The following GTF2E2 variants were observed in gnomAD, a reference collection of about 807,000 sequenced individuals.
GTF2E2 encodes the protein transcription initiation factor IIE subunit beta.
GTF2E2 carries 21 observed loss-of-function variants against 40.5 expected under a neutral mutation model. That is an observed-to-expected ratio of 0.52 (90% CI 0.37 to 0.75). The LOEUF is 0.75. Ranked by LOEUF, GTF2E2 falls within the 30% of genes least tolerant of loss-of-function variation. The pLI, the probability that GTF2E2 is intolerant of heterozygous loss-of-function variation, is 0.00. For missense variants in GTF2E2, 298 were observed against 338.4 expected (o/e 0.88, Z 0.94); for synonymous variants, 117 against 121.6 (o/e 0.96, Z 0.25).
intron 6 of GTF2E2, among the ~76,000 whole-genome samples, chr8:30,589,015 A>G (rs1466115248): frequency 6.6e-6 from 1 of 152,130 alleles, no homozygotes; most frequent in Non-Finnish European, 1.5e-5. Flanking sequence ...GCACTTTTGG[A>G]GGCTGAGGGA....
intron 5 of GTF2E2, among the ~76,000 whole-genome samples, chr8:30,610,077 C>A (rs1327114048): frequency 6.6e-6 from 1 of 152,162 alleles, no homozygotes; most frequent in African/African-American, 2.4e-5. Context: ...TAGACTAATA[C>A]ATAGCCAAAA....
At chr8:30,604,343 A>G (rs928602524) in intron 6 of GTF2E2, among the ~76,000 whole-genome samples, 1 of 152,192 alleles carries the variant, frequency 6.6e-6, no homozygotes, top group African/African-American at 2.4e-5. Flanking sequence ...TATATTAAAT[A>G]AGTTAGCAAC....
At chr8:30,580,489 A>G in intron 6 of GTF2E2, 93 bp from the exon 7 acceptor site, 1 of 737,268 alleles carries the variant, frequency 1.4e-6, no homozygotes, top group Admixed American at 2.0e-5. Context: ...TCTCCTCTGG[A>G]TCCAAATGAG....
chr8:30,602,820 A>C (rs1442065980), intron 6 of GTF2E2, among the ~76,000 whole-genome samples: 1 of 151,616 alleles, frequency 6.6e-6, no homozygotes, highest in African/African-American at 2.4e-5. Flanking sequence ...GAAAAAAACT[A>C]AAGTCCTTCC....
chr8:30,651,969 G>T (rs950752500), intron 2 of GTF2E2, among the ~76,000 whole-genome samples: 5 of 152,086 alleles, frequency 3.3e-5, no homozygotes, highest in African/African-American at 1.2e-4. Flanking sequence ...AATTCAACAG[G>T]GGAAAGATCA....
At chr8:30,584,060 C>A (rs750544591) in intron 6 of GTF2E2, among the ~76,000 whole-genome samples, 3 of 152,126 alleles carry the variant, frequency 2.0e-5, no homozygotes, top group Non-Finnish European at 4.4e-5. Flanking sequence ...CCCGCCTCAG[C>A]CTCCCAAAGT....
intron 6 of GTF2E2, among the ~76,000 whole-genome samples, chr8:30,583,444 A>G (rs945285568): frequency 1.1e-4 from 17 of 152,154 alleles, no homozygotes; most frequent in Admixed American, 1.0e-3. Context: ...CAGTGGCACA[A>G]TCTTGGCTCA....
chr8:30,586,997 T>C (rs999630342), intron 6 of GTF2E2, among the ~76,000 whole-genome samples: 6 of 152,136 alleles, frequency 3.9e-5, no homozygotes, highest in African/African-American at 7.2e-5. Flanking sequence ...AAAGCAAACA[T>C]AGACAACTGG....
intron 2 of GTF2E2, among the ~76,000 whole-genome samples, chr8:30,648,018 G>A (rs992183657): frequency 6.6e-6 from 1 of 152,110 alleles, no homozygotes; most frequent in African/African-American, 2.4e-5. Flanking sequence ...TAGTGATATG[G>A]GAACTCAAAG....
rs146320824 is a variant in GTF2E2, at chr8:30,607,110, T to C, written c.590A>G (p.Lys197Arg). Residue 197 changes from lysine (K) to arginine (R), a missense_variant, in exon 6 of 8, where the codon AAG becomes AGG. By Grantham distance (26) the Lys-to-Arg change is conservative. Transcript: ENST00000355904. ...ATCATTGAAGAAAAGTATTTTCTTC[T>C]TATCGGGACGATTTACAAATAGTAT... ...DQILFVNRPD[K>R]KKILFFNDKS... 8.0e-5 allele frequency: 119 copies of C among 1,494,772 alleles called. No homozygotes were observed. The highest frequency in any genetic ancestry group is 1.0e-4 in the Non-Finnish European group (113 of 1,084,356). The allele number at this position is 1,494,772 out of a possible 1,614,324, so 92.6% of individuals were successfully genotyped here.
chr8:30,622,751 T>C (rs1383072325), intron 3 of GTF2E2, among the ~76,000 whole-genome samples: 4 of 152,184 alleles, frequency 2.6e-5, no homozygotes, highest in East Asian at 3.9e-4. Flanking sequence ...GGGATGCTCC[T>C]TGCTGAGAAA....
chr8:30,583,171 T>C (rs1439015414), intron 6 of GTF2E2, among the ~76,000 whole-genome samples: 2 of 152,030 alleles, frequency 1.3e-5, no homozygotes, highest in Non-Finnish European at 2.9e-5. Context: ...GTGTCTCTAC[T>C]AAAAATACAA....
intron 3 of GTF2E2, among the ~76,000 whole-genome samples, chr8:30,620,886 G>C (rs530326513): frequency 6.6e-6 from 1 of 151,308 alleles, no homozygotes; most frequent in Middle Eastern, 3.2e-3. Flanking sequence ...CCAAGACTGC[G>C]CTACTGCACT....
At chr8:30,649,068 T>C (rs543260629) in intron 2 of GTF2E2, among the ~76,000 whole-genome samples, 1 of 152,326 alleles carries the variant, frequency 6.6e-6, no homozygotes, top group Admixed American at 6.5e-5. Flanking sequence ...AGTGGCTATG[T>C]TAATGTTTAA....
At chr8:30,610,029 T>C (rs963764988) in intron 5 of GTF2E2, among the ~76,000 whole-genome samples, 1 of 152,164 alleles carries the variant, frequency 6.6e-6, no homozygotes, top group Non-Finnish European at 1.5e-5. Context: ...CTTTATAAAT[T>C]ATCCAGTCTC....
chr8:30,584,980 A>G (rs939259860), intron 6 of GTF2E2: 6 of 152,170 alleles, frequency 3.9e-5, no homozygotes, highest in Admixed American at 2.0e-4. Flanking sequence ...TGAGGTCGGG[A>G]GTTCGAGACC....
At chr8:30,657,847 C>G (rs1284417642) in intron 1 of GTF2E2, 126 bp downstream of exon 1, 1 of 152,258 alleles carries the variant, frequency 6.6e-6, no homozygotes, top group Non-Finnish European at 1.5e-5. Context: ...GCTTCGAGAA[C>G]GGCGGTCCCA....
chr8:30,617,216 G>A (rs982524585), intron 3 of GTF2E2, among the ~76,000 whole-genome samples: 1 of 152,098 alleles, frequency 6.6e-6, no homozygotes, highest in Non-Finnish European at 1.5e-5. Context: ...TAGCCACTTC[G>A]CCAAACTAGA....
intron 1 of GTF2E2, chr8:30,657,061 A>G (rs1802471695): frequency 6.6e-6 from 1 of 152,190 alleles, no homozygotes; most frequent in African/African-American, 2.4e-5. Context: ...GGCCTTTAAA[A>G]CAAAGGCCAC....
Sources: gnomAD v4.1 joint callset for allele counts (sites outside exome capture counted in the v4.1 genomes callset) on GRCh38, gnomAD v4.1.1 for gene constraint, MANE v1.5 for transcripts, NCBI Gene and HGNC (gene_info 2026-07-23, HGNC 2026-07-21) for gene names.